Variants in DOCK4 observed in about 807,000 individuals in gnomAD.
DOCK4 encodes the protein dedicator of cytokinesis protein 4.
DOCK4 carries 97 observed loss-of-function variants against 268.1 expected under a neutral mutation model. The ratio of observed to expected loss-of-function variants is 0.36; its 90% confidence interval spans 0.31 to 0.43. DOCK4 has a LOEUF of 0.43. DOCK4 is among the 20% of genes least tolerant of loss of function. The pLI, the probability that DOCK4 is intolerant of heterozygous loss-of-function variation, is 1.00. For missense variants in DOCK4, 2,145 were observed against 2,455.7 expected, an observed-to-expected ratio of 0.87 and a Z score of 2.67; for synonymous variants, 954 against 887.2, an observed-to-expected ratio of 1.08 and a Z score of -1.34.
chr7:111,804,354 G>T (rs1322682468), intron 30 of DOCK4, among the ~76,000 whole-genome samples: 3 of 152,208 alleles, frequency 2.0e-5, no homozygotes, highest in Non-Finnish European at 4.4e-5. Context: ...AATTCTGTAT[G>T]ATTCCACTTA....
At chr7:112,049,604 G>T (rs1805165871) in intron 1 of DOCK4, among the ~76,000 whole-genome samples, 1 of 152,112 alleles carries the variant, frequency 6.6e-6, no homozygotes, top group Non-Finnish European at 1.5e-5. Flanking sequence ...TGTCATATTG[G>T]ATTAAAAAAG....
chr7:111,737,471 T>C (rs1252099932), intron 49 of DOCK4, among the ~76,000 whole-genome samples: 1 of 152,024 alleles, frequency 6.6e-6, no homozygotes, highest in African/African-American at 2.4e-5. Flanking sequence ...AGTGGTGATA[T>C]AAAACAGAAA....
chr7:111,954,182 T>C (rs969131526), intron 8 of DOCK4, among the ~76,000 whole-genome samples: 3 of 152,144 alleles, frequency 2.0e-5, no homozygotes, highest in East Asian at 1.9e-4. Flanking sequence ...TTCCCAAAAC[T>C]GTGAAGAGAG....
At chr7:111,948,617 G>A (rs528348941) in intron 8 of DOCK4, among the ~76,000 whole-genome samples, 20 of 150,806 alleles carry the variant, frequency 1.3e-4, no homozygotes, top group Non-Finnish European at 5.9e-5. Context: ...TTCCCGAGAC[G>A]GAGTTTCACT....
At chr7:112,074,492 A>G (rs77189480) in intron 1 of DOCK4, among the ~76,000 whole-genome samples, 2 of 152,272 alleles carry the variant, frequency 1.3e-5, no homozygotes, top group African/African-American at 2.4e-5. Flanking sequence ...CAATTCTGCA[A>G]ACCTCATTTC....
At chr7:111,881,227 GA>G (rs1430896287) in intron 16 of DOCK4, among the ~76,000 whole-genome samples, 1 of 152,052 alleles carries the variant, frequency 6.6e-6, no homozygotes, top group Non-Finnish European at 1.5e-5. Context: ...ACTCTCTAGG[GA>G]AAAATCTAAT....
intron 1 of DOCK4, among the ~76,000 whole-genome samples, chr7:112,090,815 C>A (rs1189540212): frequency 1.3e-5 from 2 of 152,138 alleles, no homozygotes; most frequent in Non-Finnish European, 2.9e-5. Flanking sequence ...AACTGGAGAT[C>A]TTTTAATTTA....
At chr7:112,202,284 G>C (rs1036498035) in intron 1 of DOCK4, among the ~76,000 whole-genome samples, 1 of 152,180 alleles carries the variant, frequency 6.6e-6, no homozygotes, top group African/African-American at 2.4e-5. Context: ...CATAACAGCT[G>C]TATTAATTTA....
intron 13 of DOCK4, among the ~76,000 whole-genome samples, chr7:111,907,556 C>T (rs897303521): frequency 6.6e-6 from 1 of 152,124 alleles, no homozygotes; most frequent in African/African-American, 2.4e-5. Flanking sequence ...CAGGGTGACA[C>T]ATTAGAATCT....
chr7:111,868,439 G>A (rs550326381), intron 21 of DOCK4, among the ~76,000 whole-genome samples: 34 of 152,252 alleles, frequency 2.2e-4, no homozygotes, highest in South Asian at 1.5e-3. Flanking sequence ...AGCCGGGCAC[G>A]GTGGCTCACG....
chr7:111,783,406 C>G (rs1266472108), intron 34 of DOCK4, among the ~76,000 whole-genome samples: 6 of 152,044 alleles, frequency 3.9e-5, no homozygotes, highest in African/African-American at 1.4e-4. Flanking sequence ...AAACATAGGT[C>G]TATGGAAGGT....
intron 1 of DOCK4, among the ~76,000 whole-genome samples, chr7:112,200,937 A>G (rs1820883228): frequency 6.6e-6 from 1 of 152,038 alleles, no homozygotes; most frequent in African/African-American, 2.4e-5. Context: ...GGGAGGTATA[A>G]ATCATTTCTC....
At chr7:111,896,588 C>G (rs1395129061) in intron 15 of DOCK4, among the ~76,000 whole-genome samples, 1 of 151,000 alleles carries the variant, frequency 6.6e-6, no homozygotes, top group Non-Finnish European at 1.5e-5. Flanking sequence ...GCAGAGTTCT[C>G]CAGAGCCAGC....
chr7:111,918,133 G>A (rs1283651818), intron 12 of DOCK4, among the ~76,000 whole-genome samples: 1 of 152,180 alleles, frequency 6.6e-6, no homozygotes, highest in Non-Finnish European at 1.5e-5. Context: ...GAGAGAAACT[G>A]GAGCCTCTCC....
chr7:112,203,514 C>CAT (rs1821126560), intron 1 of DOCK4, among the ~76,000 whole-genome samples: 1 of 152,048 alleles, frequency 6.6e-6, no homozygotes, highest in Non-Finnish European at 1.5e-5. Flanking sequence ...ATAATTATCT[C>CAT]ATACATAAAT....
intron 13 of DOCK4, among the ~76,000 whole-genome samples, chr7:111,911,646 T>C (rs949259026): frequency 1.3e-5 from 2 of 152,172 alleles, no homozygotes; most frequent in Non-Finnish European, 2.9e-5. Context: ...TTCATGCCCA[T>C]CATTAAAGCC....
At chr7:112,043,245 A>G (rs1417589593) in intron 1 of DOCK4, among the ~76,000 whole-genome samples, 3 of 152,198 alleles carry the variant, frequency 2.0e-5, no homozygotes. Context: ...TATAAAAAAA[A>G]AAAACTTAAT....
At chr7:112,054,325 T>C (rs7780217) in intron 1 of DOCK4, among the ~76,000 whole-genome samples, 3,231 of 151,274 alleles carry the variant, frequency 0.021, 114 homozygotes, top group African/African-American at 0.075. Context: ...TTAATACTGC[T>C]CTACAATTTC....
intron 16 of DOCK4, among the ~76,000 whole-genome samples, chr7:111,884,919 C>T (rs1807709072): frequency 6.6e-6 from 1 of 152,116 alleles, no homozygotes; most frequent in African/African-American, 2.4e-5. Context: ...GAGTTTAAGC[C>T]AAAAGGTTAT....
Sources: gnomAD v4.1 joint callset for allele counts (sites outside exome capture counted in the v4.1 genomes callset) on GRCh38, gnomAD v4.1.1 for gene constraint, MANE v1.5 for transcripts, NCBI Gene and HGNC (gene_info 2026-07-23, HGNC 2026-07-21) for gene names.